Variants in SASH1 observed in about 807,000 individuals in gnomAD.
SASH1 encodes SAM and SH3 domain-containing protein 1.
SASH1 carries 44 observed loss-of-function variants against 125.2 expected under a neutral mutation model. That is an observed-to-expected ratio of 0.35 (90% CI 0.28 to 0.45). The LOEUF is 0.45. Ranked by LOEUF, SASH1 falls within the 20% of genes least tolerant of loss-of-function variation. SASH1 has a pLI of 1.00. For missense variants in SASH1, 1,426 were observed against 1,614.5 expected (o/e 0.88, Z 2.00); for synonymous variants, 639 against 649.1 (o/e 0.98, Z 0.24).
chr6:148,349,252 C>CTTTTTTTTTTTTTTTTTTTTT (rs11317386), intron 1 of SASH1, among the ~76,000 whole-genome samples: 11 of 47,024 alleles, frequency 2.3e-4, no homozygotes, highest in African/African-American at 6.8e-4. Flanking sequence ...TTCTTTCTTT[C>CTTTTTTTTTTTTTTTTTTTTT]TTTTTTTTTT....
At chr6:148,298,973 G>T (rs543957974) in intron 1 of SASH1, among the ~76,000 whole-genome samples, 2 of 152,282 alleles carry the variant, frequency 1.3e-5, no homozygotes, top group South Asian at 4.1e-4. Flanking sequence ...GAGCCATTAG[G>T]TTATGTTTTC....
intron 1 of SASH1, among the ~76,000 whole-genome samples, chr6:148,315,250 T>G (rs1010762266): frequency 4.6e-5 from 7 of 152,216 alleles, no homozygotes; most frequent in Admixed American, 6.5e-5. Context: ...TAATAATTTT[T>G]AAAGTAGCTA....
At chr6:148,514,506 A>T (rs7739956) in intron 9 of SASH1, 50 bp downstream of exon 9, 5 of 1,353,706 alleles carry the variant, frequency 3.7e-6, no homozygotes, top group Non-Finnish European at 4.8e-6. Flanking sequence ...CACCCTGGTT[A>T]TTCCAAAAGA....
At chr6:148,438,737 A>AAAG (rs1562409893) in intron 2 of SASH1, among the ~76,000 whole-genome samples, 3 of 135,948 alleles carry the variant, frequency 2.2e-5, no homozygotes, top group African/African-American at 8.2e-5. Context: ...AAAAAAAAAA[A>AAAG]AAAAAAAAAC....
intron 1 of SASH1, 138 bp downstream of exon 1, chr6:148,343,361 G>A: frequency 1.4e-6 from 1 of 695,636 alleles, no homozygotes; most frequent in Non-Finnish European, 2.3e-6. Flanking sequence ...TTCTTAGGGG[G>A]CTAAATACAC....
rs569130719 is a variant in SASH1 at position 148,343,033 on chromosome 6, G to A, written c.-35G>A. 45 of 1,213,890 alleles carry A rather than the reference G, an allele frequency of 3.7e-5. 1 individual carries two copies. In the South Asian group the frequency reaches 1.4e-3, roughly 37 times the overall value. 75.2% of individuals were successfully genotyped at this position (1,213,890 alleles called of 1,614,324 possible). A position where few individuals can be genotyped will look rare whatever the true frequency, so the allele number is the denominator to read the frequency against. On this transcript the variant is annotated 5_prime_UTR_variant, in exon 1 of 20. Coordinates refer to ENST00000367467, the MANE Select transcript of SASH1 (RefSeq NM_015278.5). ...GGGTGCGGGGCGAGGGCGCCGCGGGGACTGGGACGCACGGCCCGCGCGCGG... is the reference window on the plus strand; with the variant it reads ...GGGTGCGGGGCGAGGGCGCCGCGGGAACTGGGACGCACGGCCCGCGCGCGG...
At chr6:148,287,328 A>G (rs1779505952) in intron 1 of SASH1, among the ~76,000 whole-genome samples, 2 of 152,272 alleles carry the variant, frequency 1.3e-5, no homozygotes, top group South Asian at 4.1e-4. Flanking sequence ...GATTTTAGTA[A>G]CAAATATTTA....
At chr6:148,255,152 G>A in the SASH1 span, among the ~76,000 whole-genome samples, 3 of 152,150 alleles carry the variant, frequency 2.0e-5, no homozygotes, top group Admixed American at 6.5e-5. Flanking sequence ...TGCTAGGGCC[G>A]CCATAACAAA....
At position 148,550,716 on chromosome 6, in the gene SASH1, A is replaced by T. The variant is rs41288421; in HGVS notation, c.*2158A>T. Reference sequence around the variant, plus strand: ...CTTGTATAGCTAAAGCGTTCAATGCATTTCACGTGCTGTGGTGGATGTGGG... The same window carrying T: ...CTTGTATAGCTAAAGCGTTCAATGCTTTTCACGTGCTGTGGTGGATGTGGG... On this transcript the variant is annotated 3_prime_UTR_variant, in exon 20 of 20. Coordinates refer to ENST00000367467, the MANE Select transcript of SASH1 (RefSeq NM_015278.5). 3,530 of 152,380 alleles carry T rather than the reference A, an allele frequency of 0.023. 73 individuals are homozygous for T. The highest frequency in any genetic ancestry group is 0.041 in the Middle Eastern group (12 of 294). The allele number at this position is 152,380 out of a possible 1,614,324, so 9.4% of individuals were successfully genotyped here.
At chr6:148,448,753 A>T (rs972884170) in intron 4 of SASH1, among the ~76,000 whole-genome samples, 4 of 152,262 alleles carry the variant, frequency 2.6e-5, no homozygotes, top group East Asian at 3.9e-4. Context: ...TGCCTATTAC[A>T]GCCTCTTGCT....
chr6:148,322,885 T>C (rs1392949149), intron 1 of SASH1, among the ~76,000 whole-genome samples: 3 of 130,970 alleles, frequency 2.3e-5, no homozygotes, highest in African/African-American at 5.7e-5. Context: ...CTTTCTTTCT[T>C]TTTCTTCTTT....
At chr6:148,263,595 G>A in the SASH1 span, among the ~76,000 whole-genome samples, 11 of 152,146 alleles carry the variant, frequency 7.2e-5, no homozygotes, top group South Asian at 2.1e-4. Context: ...TGACTCTAGC[G>A]GTGCCCAGAA....
At chr6:148,339,013 AAAAAAAAAAAAG>A (rs1363517310), upstream of SASH1, among the ~76,000 whole-genome samples, 3 of 150,104 alleles carry the variant, frequency 2.0e-5, no homozygotes, top group Admixed American at 6.7e-5. Flanking sequence ...TTAAAAAAAA[AAAAAAAAAAAAG>A]AGAGAGAGAG....
At chr6:148,303,081 A>T (rs1200954435) in intron 1 of SASH1, among the ~76,000 whole-genome samples, 1 of 152,004 alleles carries the variant, frequency 6.6e-6, no homozygotes, top group African/African-American at 2.4e-5. Context: ...CCCAGATTCA[A>T]GCGATTCTCC....
intron 2 of SASH1, among the ~76,000 whole-genome samples, chr6:148,432,315 G>T (rs571283188): frequency 6.6e-6 from 1 of 152,256 alleles, no homozygotes; most frequent in Non-Finnish European, 1.5e-5. Flanking sequence ...GGAAGTTTCT[G>T]TTCTTCTGGT....
chr6:148,250,635 A>G, the SASH1 span, among the ~76,000 whole-genome samples: 34 of 152,144 alleles, frequency 2.2e-4, 2 homozygotes, highest in South Asian at 7.1e-3. Flanking sequence ...AAAATGATAC[A>G]GTGGCTGTAA....
At chr6:148,266,121 C>T in the SASH1 span, among the ~76,000 whole-genome samples, 2 of 151,990 alleles carry the variant, frequency 1.3e-5, no homozygotes, top group African/African-American at 4.8e-5. Context: ...TGCAGGTGCC[C>T]ACCACCACGC....
At chr6:148,249,235 G>A in the SASH1 span, among the ~76,000 whole-genome samples, 4 of 152,178 alleles carry the variant, frequency 2.6e-5, no homozygotes, top group Admixed American at 6.5e-5. Context: ...TTTGCTAAAC[G>A]AATGAATGAC....
chr6:148,383,363 T>A (rs1783229931), intron 1 of SASH1, among the ~76,000 whole-genome samples: 2 of 152,140 alleles, frequency 1.3e-5, no homozygotes, highest in Non-Finnish European at 2.9e-5. Flanking sequence ...CCATCCCTCT[T>A]CAAACAAGGA....
Sources: allele counts gnomAD v4.1 joint callset (sites outside exome capture counted in the v4.1 genomes callset), GRCh38; gene constraint gnomAD v4.1.1; transcripts MANE v1.5; gene names NCBI Gene and HGNC (gene_info 2026-07-23, HGNC 2026-07-21).